The following C17orf99 variants were observed in gnomAD, a reference collection of about 807,000 sequenced individuals.
The protein encoded by C17orf99 is chromosome 17 open reading frame 99, also known as protein IL-40.
In C17orf99, 18 loss-of-function variants were observed where a neutral mutation model predicts 22.6. The ratio of observed to expected loss-of-function variants is 0.80; its 90% CI spans 0.55 to 1.18. The LOEUF (loss-of-function observed/expected upper bound fraction) is 1.18. Among genes scored for constraint, C17orf99 ranks in the 50% most tolerant of loss-of-function variants. The pLI, the probability that C17orf99 is intolerant of heterozygous loss-of-function variation, is 0.00. For missense variants in C17orf99, 328 were observed against 342.7 expected (o/e 0.96, Z 0.34); for synonymous variants, 147 against 136.6 (o/e 1.08, Z -0.53).
chr17:78,154,421 G>A (rs993618129), intron 2 of C17orf99, among the ~76,000 whole-genome samples: 1 of 152,080 alleles, frequency 6.6e-6, no homozygotes, highest in Non-Finnish European at 1.5e-5. Context: ...GGTGGCATGT[G>A]TCTGTAATCC....
upstream of C17orf99, among the ~76,000 whole-genome samples, chr17:78,145,984 C>T (rs564699135): frequency 1.7e-3 from 252 of 152,174 alleles, 1 homozygote; most frequent in Non-Finnish European, 1.8e-3. Context: ...GATGGAGTTT[C>T]GCCATGTTGG....
chr17:78,164,294 G>C lies in C17orf99; in HGVS notation c.570G>C (p.Ser190=). The change falls in exon 4 of 5, where the codon TCG becomes TCC. Residue 190 remains serine, a synonymous_variant. Transcript: ENST00000340363. ...ANFSFLPSQT[S]DWFWCQAANN... Reference sequence around the variant, plus strand: ...TCTCCTTCCTGCCGAGCCAGACATCGGACTGGTTCTGGTGCCAGGCTGCAA... The same window carrying C: ...TCTCCTTCCTGCCGAGCCAGACATCCGACTGGTTCTGGTGCCAGGCTGCAA... 6.4e-7 allele frequency: 1 copy of C among 1,551,582 alleles called. No individual in the cohort carries two copies. Among genetic ancestry groups the C allele is most frequent in the Non-Finnish European group, 8.7e-7 (1 of 1,147,012 alleles).
chr17:78,153,915 CTTCTTT>C (rs1336657124), intron 2 of C17orf99, among the ~76,000 whole-genome samples: 1 of 136,620 alleles, frequency 7.3e-6, no homozygotes, highest in African/African-American at 2.9e-5. Flanking sequence ...AAAAGTATTC[CTTCTTT>C]TTTTTTTTTT....
chr17:78,153,657 A>G (rs1468347608), intron 2 of C17orf99, among the ~76,000 whole-genome samples: 1 of 152,124 alleles, frequency 6.6e-6, no homozygotes, highest in Non-Finnish European at 1.5e-5. Flanking sequence ...TCGCAAAGGG[A>G]ACAAAAAGAA....
Position 78,147,009 on chromosome 17 carries a change from C to T in C17orf99, c.70+98C>T, listed in dbSNP as rs2075442675. On this transcript the variant is annotated intron_variant, in intron 2 of 4. Transcript: ENST00000340363. ...GGCGCCTCGGCTGGGAAGGGAGTTA[C>T]TAGTGGGGAGGTGTGTGCTGGAGGA... is the stretch of plus-strand genomic sequence containing the variant. The T allele has an allele frequency of 2.9e-6, 3 of 1,037,588 alleles. No homozygotes were observed. In the Admixed American group the frequency reaches 6.0e-5, roughly 21 times the overall value. 64.3% of individuals were successfully genotyped at this position (1,037,588 alleles called of 1,614,324 possible).
chr17:78,145,941 G>A (rs1412022163), upstream of C17orf99, among the ~76,000 whole-genome samples: 2 of 151,920 alleles, frequency 1.3e-5, no homozygotes, highest in Non-Finnish European at 2.9e-5. Flanking sequence ...GATTACAGGC[G>A]CACGCCACCA....
intron 2 of C17orf99, among the ~76,000 whole-genome samples, chr17:78,156,668 T>C (rs1020577697): frequency 7.0e-4 from 107 of 152,294 alleles, no homozygotes; most frequent in African/African-American, 2.2e-3. Flanking sequence ...TGGAGTGCAG[T>C]GGCACGATCA....
intron 2 of C17orf99, among the ~76,000 whole-genome samples, chr17:78,154,008 C>T (rs2075506613): frequency 6.7e-6 from 1 of 149,420 alleles, no homozygotes; most frequent in African/African-American, 2.5e-5. Flanking sequence ...TCACTGCAGC[C>T]TCCACCTCTC....
intron 2 of C17orf99, among the ~76,000 whole-genome samples, chr17:78,149,331 CAAAAAAAAAAAAAAAAAA>C (rs35155993): frequency 2.4e-5 from 1 of 40,990 alleles, no homozygotes; most frequent in Non-Finnish European, 5.1e-5. Flanking sequence ...GACTCTGCCT[CAAAAAAAAAAAAAAAAAA>C]AAAAAAAAAA....
chr17:78,156,154 AC>A (rs2075523293), intron 2 of C17orf99, among the ~76,000 whole-genome samples: 1 of 150,742 alleles, frequency 6.6e-6, no homozygotes, highest in Non-Finnish European at 1.5e-5. Flanking sequence ...ATGTGGCGAA[AC>A]CCAGTCTCTA....
chr17:78,157,867 C>G (rs62079083), intron 2 of C17orf99: 1 of 1,015,528 alleles, frequency 9.8e-7, no homozygotes, highest in Non-Finnish European at 1.5e-6. Flanking sequence ...GTAAGATCGT[C>G]GAGATGTCTA....
In C17orf99 at chr17:78,146,998, G is replaced by A. The variant is rs904689734; in HGVS notation, c.70+87G>A. On this transcript the variant is annotated intron_variant, in intron 2 of 4. Coordinates refer to ENST00000340363, the MANE Select transcript of C17orf99 (RefSeq NM_001163075.2). This position sits in a 1 kb window ranked among gnomAD's most constrained non-coding sequence, Gnocchi z 5.2. ...CCATGGTGGAGGGCGCCTCGGCTGG[G>A]AAGGGAGTTACTAGTGGGGAGGTGT... 1.7e-6 allele frequency: 2 copies of A among 1,201,016 alleles called. No individual in the cohort carries two copies. Among genetic ancestry groups the A allele is most frequent in the South Asian group, 1.3e-5 (1 of 76,826 alleles). 74.4% of individuals were successfully genotyped at this position (1,201,016 alleles called of 1,614,324 possible). A position where few individuals can be genotyped will look rare whatever the true frequency, so the allele number is the denominator to read the frequency against.
rs551315887 is a variant in C17orf99, at chr17:78,157,551, C to T, written c.71-3404C>T. On this transcript the variant is annotated intron_variant, in intron 2 of 4. Transcript: ENST00000340363. Reference sequence around the variant, plus strand: ...CGGTGGCTCACGCCCGTAATCCCATCACTTTGGAAGACCGAGGCAGGCGGA... The same window carrying T: ...CGGTGGCTCACGCCCGTAATCCCATTACTTTGGAAGACCGAGGCAGGCGGA... 1.9e-5 allele frequency: 16 copies of T among 852,330 alleles called. No individual in the cohort carries two copies. The South Asian group carries it at 2.2e-4, about 12-fold the overall frequency. The allele number at this position is 852,330 out of a possible 1,614,324, so 52.8% of individuals were successfully genotyped here. A position where few individuals can be genotyped will look rare whatever the true frequency, so the allele number is the denominator to read the frequency against.
At chr17:78,161,955 T>C (rs2075581195) in intron 3 of C17orf99, among the ~76,000 whole-genome samples, 1 of 139,024 alleles carries the variant, frequency 7.2e-6, no homozygotes, top group Admixed American at 7.7e-5. Context: ...TATAGCTATG[T>C]AAGCTAAAAC....
chr17:78,160,888 G>A (rs755641643), intron 2 of C17orf99, 67 bp from the exon 3 acceptor site: 3 of 1,374,450 alleles, frequency 2.2e-6, no homozygotes, highest in Non-Finnish European at 3.0e-6. Flanking sequence ...GGCCAAACCA[G>A]TACCTTCTTA....
rs561205845 is a variant in C17orf99, at chr17:78,148,075, G to A, written c.70+1164G>A. Among the ~76,000 whole-genome samples the A allele has an allele frequency of 3.3e-5, 5 of 152,240 alleles. 1 individual carries two copies. Among genetic ancestry groups the A allele is most frequent in the Admixed American group, 2.6e-4 (4 of 15,284 alleles). On this transcript the variant is annotated intron_variant, in intron 2 of 4. Coordinates refer to ENST00000340363, the MANE Select transcript of C17orf99 (RefSeq NM_001163075.2). ...TCCTGTATCTTACATTCTAGTGGGG[G>A]TTGGGGGGACAGATGATAATAAAAA...
chr17:78,151,672 C>G (rs1205491716), intron 2 of C17orf99, among the ~76,000 whole-genome samples: 1 of 152,034 alleles, frequency 6.6e-6, no homozygotes, highest in African/African-American at 2.4e-5. Flanking sequence ...TCCTCAGGCC[C>G]CACCCTAATC....
At chr17:78,148,915 G>A (rs1157838951) in intron 2 of C17orf99, among the ~76,000 whole-genome samples, 1 of 152,174 alleles carries the variant, frequency 6.6e-6, no homozygotes, top group African/African-American at 2.4e-5. Context: ...AGGCTACTCG[G>A]GATCCAGAGG....
At chr17:78,163,396 G>A (rs2075592622) in intron 3 of C17orf99, among the ~76,000 whole-genome samples, 1 of 152,212 alleles carries the variant, frequency 6.6e-6, no homozygotes, top group Admixed American at 6.5e-5. Context: ...CTACATGACA[G>A]TTTTTGTCCT....
Sources: allele counts gnomAD v4.1 joint callset (sites outside exome capture counted in the v4.1 genomes callset), GRCh38; gene constraint gnomAD v4.1.1; non-coding constraint Gnocchi (gnomAD v3.1); transcripts MANE v1.5; gene names NCBI Gene and HGNC (gene_info 2026-07-23, HGNC 2026-07-21).